CAPZA1: variants seen among roughly 807,000 people sequenced by gnomAD.
The protein encoded by CAPZA1 is F-actin-capping protein subunit alpha-1.
CAPZA1 carries 10 observed loss-of-function variants against 40.8 expected under a neutral mutation model. The observed-to-expected ratio is 0.25, with a 90% CI of 0.15 to 0.42. The LOEUF is 0.42. CAPZA1 is among the 10% of genes least tolerant of loss of function. The pLI is 1.00. For missense variants in CAPZA1, 277 were observed against 353.8 expected (o/e 0.78, Z 1.74); for synonymous variants, 98 against 115.0 (o/e 0.85, Z 0.95).
chr1:112,622,067 G>GT (rs891682619), intron 1 of CAPZA1, among the ~76,000 whole-genome samples: 4 of 151,450 alleles, frequency 2.6e-5, no homozygotes, highest in African/African-American at 4.8e-5. Context: ...AGCCAGTATT[G>GT]TTTTTTTTAA....
intron 1 of CAPZA1, among the ~76,000 whole-genome samples, chr1:112,624,037 A>C (rs1400717679): frequency 9.2e-5 from 14 of 151,456 alleles, no homozygotes; most frequent in Non-Finnish European, 2.1e-4. Flanking sequence ...AGAAAAGAAA[A>C]AGAAATCCTA....
intron 3 of CAPZA1, chr1:112,650,151 A>G (rs1671355256): frequency 6.6e-6 from 1 of 152,376 alleles, no homozygotes; most frequent in Non-Finnish European, 1.5e-5. Context: ...AAAGAGTTGG[A>G]TAATGGCTAG....
chr1:112,636,494 T>G (rs926756012), intron 1 of CAPZA1, among the ~76,000 whole-genome samples: 2 of 152,230 alleles, frequency 1.3e-5, no homozygotes, highest in Admixed American at 6.5e-5. Flanking sequence ...GAGGAAATTA[T>G]GTAAAAGCCT....
chr1:112,651,259 G>A (rs1283824453), intron 3 of CAPZA1, among the ~76,000 whole-genome samples: 1 of 152,210 alleles, frequency 6.6e-6, no homozygotes, highest in East Asian at 1.9e-4. Context: ...GTTAAAGAGT[G>A]AATTTCATTC....
chr1:112,655,178 A>G (rs7524494), intron 5 of CAPZA1, among the ~76,000 whole-genome samples: 77,532 of 152,036 alleles, frequency 0.51, 20,203 homozygotes, highest in South Asian at 0.65. Flanking sequence ...AGTAATCAAA[A>G]CTATTAGAAC....
chr1:112,652,664 A>ATGT (rs1223705098), intron 3 of CAPZA1, among the ~76,000 whole-genome samples: 1 of 151,808 alleles, frequency 6.6e-6, no homozygotes, highest in East Asian at 1.9e-4. Context: ...AAACCTTGTT[A>ATGT]TGTTGGCACA....
At chr1:112,623,298 C>T (rs935062809) in intron 1 of CAPZA1, among the ~76,000 whole-genome samples, 1 of 152,186 alleles carries the variant, frequency 6.6e-6, no homozygotes, top group African/African-American at 2.4e-5. Flanking sequence ...TGTTTTCTAA[C>T]AAGTCATCAA....
rs1468944832 is a variant in CAPZA1, at chr1:112,669,596, T to C, written c.711T>C (p.Asn237=). 1.9e-6 allele frequency: 3 copies of C among 1,599,722 alleles called. No individual in the cohort carries two copies. Among genetic ancestry groups the C allele is most frequent in the Admixed American group, 1.7e-5 (1 of 59,840 alleles). ...TTAAAATCATAGAGAATGCAGAAAA[T>C]GAGTATCAGGTAAGAAGATTTGGAG... ...EFIKIIENAE[N]EYQTAISENY... Residue 237 remains asparagine (N), a synonymous_variant, in exon 9 of 10, where the codon AAT becomes AAC. Transcript: ENST00000263168.
At chr1:112,627,022 C>T (rs371302430) in intron 1 of CAPZA1, among the ~76,000 whole-genome samples, 2 of 152,142 alleles carry the variant, frequency 1.3e-5, no homozygotes, top group South Asian at 4.1e-4. Flanking sequence ...ATGTATTAAC[C>T]ATGTATTTAT....
At chr1:112,628,286 T>C (rs112817924) in intron 1 of CAPZA1, among the ~76,000 whole-genome samples, 2,903 of 152,318 alleles carry the variant, frequency 0.019, 33 homozygotes, top group African/African-American at 0.028. Flanking sequence ...TGAGAACCAT[T>C]ATCTTAGTGA....
intron 1 of CAPZA1, 32 bp downstream of exon 1, chr1:112,619,915 C>A (rs202024562): frequency 3.2e-6 from 5 of 1,576,184 alleles, no homozygotes; most frequent in Non-Finnish European, 3.5e-6. Context: ...CTTACCTCCT[C>A]CCCCGACAGG....
intron 7 of CAPZA1, 129 bp downstream of exon 7, chr1:112,659,908 G>A (rs1369674997): frequency 3.0e-6 from 2 of 674,848 alleles, no homozygotes; most frequent in Non-Finnish European, 5.2e-6. Flanking sequence ...AATAGAAATA[G>A]AAGCCTCCTT....
At chr1:112,624,556 C>G (rs181889119) in intron 1 of CAPZA1, among the ~76,000 whole-genome samples, 36 of 134,932 alleles carry the variant, frequency 2.7e-4, no homozygotes, top group Admixed American at 6.3e-4. Flanking sequence ...TGCAGTGAGC[C>G]GAGATCGCGC....
rs1328748432 is a variant in CAPZA1, at chr1:112,642,696, G to T, written c.40-4514G>T. On this transcript the variant is annotated intron_variant, in intron 1 of 9. Coordinates refer to ENST00000263168, the MANE Select transcript of CAPZA1 (RefSeq NM_006135.3). The stretch of plus-strand genomic sequence containing the variant: ...TACTTCTCTTCCTAGTTTGCCGAAT[G>T]GGTGAATTATTACTTTTTTATATGC... 8.5e-5 allele frequency among the ~76,000 whole-genome samples: 13 copies of T among 152,108 alleles called. No homozygotes were observed. The East Asian group carries it at 2.3e-3, about 27-fold the overall frequency.
intron 8 of CAPZA1, 131 bp downstream of exon 8, chr1:112,667,276 C>G: frequency 1.6e-6 from 1 of 623,112 alleles, no homozygotes. Context: ...TTGGCCACTT[C>G]TGTTAGTGCC....
intron 4 of CAPZA1, 41 bp from the exon 5 acceptor site, chr1:112,654,424 C>G (rs745711102): frequency 4.1e-5 from 55 of 1,352,916 alleles, no homozygotes; most frequent in Middle Eastern, 1.9e-4. Flanking sequence ...TAAGAATTGT[C>G]TTTTTTACAG....
At chr1:112,654,934 C>T (rs1671468418) in intron 5 of CAPZA1, among the ~76,000 whole-genome samples, 2 of 151,880 alleles carry the variant, frequency 1.3e-5, no homozygotes, top group South Asian at 4.2e-4. Flanking sequence ...TGCCTTACAC[C>T]CATCAGAAAA....
At chr1:112,645,736 C>CA (rs34728417) in intron 1 of CAPZA1, among the ~76,000 whole-genome samples, 2,259 of 106,846 alleles carry the variant, frequency 0.021, 20 homozygotes, top group African/African-American at 0.028. Context: ...CTTGCCAGTG[C>CA]AAAAAAAAAA....
chr1:112,639,722 G>A (rs1222739647), intron 1 of CAPZA1, among the ~76,000 whole-genome samples: 2 of 152,120 alleles, frequency 1.3e-5, no homozygotes, highest in Non-Finnish European at 2.9e-5. Context: ...TAAAGGATGA[G>A]GGATGTTGAC....
Sources: allele counts gnomAD v4.1 joint callset (sites outside exome capture counted in the v4.1 genomes callset), GRCh38; gene constraint gnomAD v4.1.1; transcripts MANE v1.5; gene names NCBI Gene and HGNC (gene_info 2026-07-23, HGNC 2026-07-21).